Variants in HCRTR2 observed in about 807,000 individuals in gnomAD.
HCRTR2 encodes orexin receptor type 2.
Under a neutral mutation model 49.0 loss-of-function variants are expected in HCRTR2, and 22 were observed. The observed-to-expected ratio is 0.45, with a 90% CI of 0.32 to 0.64. HCRTR2 has a LOEUF of 0.64. HCRTR2 is among the 30% of genes least tolerant of loss of function. The probability of loss-of-function intolerance (pLI) is 0.04; values close to 1 mark genes in which losing one functional copy is unlikely to be tolerated. For synonymous variants in HCRTR2, 236 were observed against 205.3 expected (o/e 1.15, Z -1.28); for missense variants, 491 against 559.4 (o/e 0.88, Z 1.23).
chr6:55,181,638 GA>G (rs912078868), intron 1 of HCRTR2, among the ~76,000 whole-genome samples: 6 of 151,692 alleles, frequency 4.0e-5, no homozygotes, highest in Admixed American at 6.6e-5. Context: ...CTTTTTTAAT[GA>G]AAAAAAACTC....
At chr6:55,175,027 G>C (rs899313048) in intron 1 of HCRTR2, among the ~76,000 whole-genome samples, 3 of 152,158 alleles carry the variant, frequency 2.0e-5, no homozygotes, top group African/African-American at 7.2e-5. Context: ...TGTTTTGCAG[G>C]AATAACGGGG....
chr6:55,255,904 A>G (rs1186172655), intron 3 of HCRTR2, among the ~76,000 whole-genome samples: 1 of 152,222 alleles, frequency 6.6e-6, no homozygotes, highest in Non-Finnish European at 1.5e-5. Context: ...TGTTTTCTCT[A>G]TTCATAATAC....
chr6:55,178,045 T>C (rs77656435), intron 1 of HCRTR2, among the ~76,000 whole-genome samples: 4,022 of 152,280 alleles, frequency 0.026, 171 homozygotes, highest in African/African-American at 0.091. Flanking sequence ...GCTAAGTAGA[T>C]GTATCAACTT....
At chr6:55,258,700 C>T (rs1766698330) in intron 3 of HCRTR2, among the ~76,000 whole-genome samples, 2 of 152,068 alleles carry the variant, frequency 1.3e-5, no homozygotes, top group African/African-American at 4.8e-5. Flanking sequence ...TTAAATTAAC[C>T]CACAATTTCT....
At chr6:55,134,982 T>A (rs972856511) in intron 1 of HCRTR2, among the ~76,000 whole-genome samples, 2 of 152,056 alleles carry the variant, frequency 1.3e-5, no homozygotes, top group African/African-American at 4.8e-5. Context: ...GAAATCTATA[T>A]CCTTGGAAGG....
intron 1 of HCRTR2, among the ~76,000 whole-genome samples, chr6:55,141,384 G>A (rs1764505432): frequency 6.6e-6 from 1 of 151,874 alleles, no homozygotes; most frequent in African/African-American, 2.4e-5. Flanking sequence ...AAATGTGTTA[G>A]AAATGGCTGT....
chr6:55,254,850 A>T (rs546941357), intron 2 of HCRTR2, among the ~76,000 whole-genome samples: 1 of 152,196 alleles, frequency 6.6e-6, no homozygotes, highest in South Asian at 2.1e-4. Context: ...TATTTAAAGA[A>T]TGCCATATTA....
intron 1 of HCRTR2, among the ~76,000 whole-genome samples, chr6:55,125,175 T>C (rs1271776459): frequency 1.3e-5 from 2 of 152,212 alleles, no homozygotes; most frequent in Non-Finnish European, 2.9e-5. Context: ...CTGGTTGTTT[T>C]ACCCATTAGT....
chr6:55,201,388 T>A (rs1765510845), intron 1 of HCRTR2, among the ~76,000 whole-genome samples: 1 of 152,098 alleles, frequency 6.6e-6, no homozygotes, highest in Non-Finnish European at 1.5e-5. Context: ...CTGGCAGTTT[T>A]CCACAGTACC....
intron 1 of HCRTR2, among the ~76,000 whole-genome samples, chr6:55,221,627 C>T (rs1765896973): frequency 6.6e-6 from 1 of 151,794 alleles, no homozygotes; most frequent in African/African-American, 2.4e-5. Context: ...TCCTGGCTAA[C>T]ACAGTGAAAC....
At chr6:55,240,071 C>A (rs550179679) in intron 1 of HCRTR2, among the ~76,000 whole-genome samples, 1 of 151,808 alleles carries the variant, frequency 6.6e-6, no homozygotes, top group Non-Finnish European at 1.5e-5. Context: ...GCCACCGCGC[C>A]CGGCCAGTAA....
At chr6:55,130,514 C>T (rs1168473024) in intron 1 of HCRTR2, among the ~76,000 whole-genome samples, 4 of 151,522 alleles carry the variant, frequency 2.6e-5, no homozygotes, top group African/African-American at 9.7e-5. Context: ...TATGGGTTGT[C>T]TTCATCCACA....
intron 3 of HCRTR2, among the ~76,000 whole-genome samples, chr6:55,258,243 G>A (rs1169543364): frequency 6.6e-6 from 1 of 152,058 alleles, no homozygotes; most frequent in East Asian, 1.9e-4. Flanking sequence ...CATAATCTGT[G>A]TTTCTTATCT....
At chr6:55,233,021 T>A (rs970993656) in intron 1 of HCRTR2, among the ~76,000 whole-genome samples, 9 of 152,120 alleles carry the variant, frequency 5.9e-5, no homozygotes, top group African/African-American at 2.2e-4. Context: ...GTCTGATGAT[T>A]CAAGAAAAGT....
intron 1 of HCRTR2, among the ~76,000 whole-genome samples, chr6:55,132,941 T>G (rs1023921227): frequency 2.0e-5 from 3 of 151,732 alleles, no homozygotes; most frequent in Non-Finnish European, 3.0e-5. Flanking sequence ...TACAGAAGAC[T>G]TTTCAAAACC....
chr6:55,281,352 G>A (rs868346997), intron 6 of HCRTR2, among the ~76,000 whole-genome samples: 1 of 152,090 alleles, frequency 6.6e-6, no homozygotes, highest in Non-Finnish European at 1.5e-5. Context: ...TCTGAACCTC[G>A]CACTAAGCAG....
intron 1 of HCRTR2, among the ~76,000 whole-genome samples, chr6:55,205,499 T>C (rs1726251549): frequency 6.6e-6 from 1 of 152,128 alleles, no homozygotes; most frequent in African/African-American, 2.4e-5. Flanking sequence ...ATGGGGATCA[T>C]TAATGACCTT....
chr6:55,186,747 T>C (rs1182998920), intron 1 of HCRTR2, among the ~76,000 whole-genome samples: 1 of 152,190 alleles, frequency 6.6e-6, no homozygotes, highest in Non-Finnish European at 1.5e-5. Flanking sequence ...GAAACAGCTG[T>C]GACAGAATGT....
intron 1 of HCRTR2, among the ~76,000 whole-genome samples, chr6:55,147,782 A>G (rs1764614965): frequency 1.3e-5 from 2 of 152,208 alleles, no homozygotes; most frequent in African/African-American, 2.4e-5. Context: ...TGTATCTTAC[A>G]TGACTTTGTA....
Sources: gnomAD v4.1 joint callset for allele counts (sites outside exome capture counted in the v4.1 genomes callset) on GRCh38, gnomAD v4.1.1 for gene constraint, MANE v1.5 for transcripts, NCBI Gene and HGNC (gene_info 2026-07-23, HGNC 2026-07-21) for gene names.